The following LARP1B variants were observed in gnomAD, a reference collection of about 807,000 sequenced individuals.
LARP1B encodes the protein la-related protein 1B.
LARP1B carries 76 observed loss-of-function variants against 114.2 expected under a neutral mutation model. That is an observed-to-expected ratio of 0.67 (90% CI 0.55 to 0.81). The LOEUF is 0.81. LARP1B is among the 30% of genes least tolerant of loss of function. The probability of loss-of-function intolerance (pLI) is 0.00; values close to 1 mark genes in which losing one functional copy is unlikely to be tolerated. For synonymous variants in LARP1B, 345 were observed against 348.0 expected (o/e 0.99, Z 0.10); for missense variants, 1,014 against 1,075.8 (o/e 0.94, Z 0.80).
Position 128,176,835 on chromosome 4 carries a change from C to T in LARP1B, c.1649-37C>T, listed in dbSNP as rs754319414. ...AAACAATAAATGGATAAAATGCAGACACAGCACAAAAAGGGACTAATTAAC... is the reference window on the plus strand; with the variant it reads ...AAACAATAAATGGATAAAATGCAGATACAGCACAAAAAGGGACTAATTAAC... On this transcript the variant is annotated intron_variant, in intron 12 of 19. Coordinates refer to ENST00000326639, the MANE Select transcript of LARP1B (RefSeq NM_018078.4). 1.6e-5 allele frequency: 26 copies of T among 1,596,196 alleles called. 2 individuals are homozygous for T. The South Asian group carries it at 2.8e-4, about 17-fold the overall frequency.
chr4:128,219,090 A>G (rs966788647), intron 6 of LARP1B, among the ~76,000 whole-genome samples: 3 of 150,510 alleles, frequency 2.0e-5, no homozygotes, highest in Non-Finnish European at 3.0e-5. Flanking sequence ...CAAAACCACT[A>G]TGAGATATCA....
chr4:128,146,829 G>C (rs912407037), intron 11 of LARP1B, among the ~76,000 whole-genome samples: 3 of 152,144 alleles, frequency 2.0e-5, no homozygotes, highest in African/African-American at 7.2e-5. Flanking sequence ...GAGAGTTTTA[G>C]GTTGGCATAA....
chr4:128,128,431 A>G (rs1790359570), intron 11 of LARP1B, among the ~76,000 whole-genome samples: 1 of 152,216 alleles, frequency 6.6e-6, no homozygotes, highest in Non-Finnish European at 1.5e-5. Flanking sequence ...TAGTACACCC[A>G]ACCTACCACA....
At chr4:128,166,962 CTCTCTCTCTA>C (rs1296684894) in intron 12 of LARP1B, among the ~76,000 whole-genome samples, 1,393 of 101,840 alleles carry the variant, frequency 0.014, 4 homozygotes, top group East Asian at 0.043. Flanking sequence ...CTCTCTCTCT[CTCTCTCTCTA>C]TATATATATA....
chr4:128,112,664 G>A (rs1784521638), intron 9 of LARP1B, among the ~76,000 whole-genome samples: 1 of 151,160 alleles, frequency 6.6e-6, no homozygotes, highest in South Asian at 2.1e-4. Flanking sequence ...AGTAGGGATG[G>A]GGTTTTGCCA....
At chr4:128,151,447 G>A (rs1732739830) in intron 11 of LARP1B, among the ~76,000 whole-genome samples, 1 of 151,924 alleles carries the variant, frequency 6.6e-6, no homozygotes, top group Admixed American at 6.6e-5. Context: ...TGCCTTGAGA[G>A]TCATATAATT....
At chr4:128,096,434 A>G (rs1778036919) in intron 7 of LARP1B, among the ~76,000 whole-genome samples, 1 of 152,184 alleles carries the variant, frequency 6.6e-6, no homozygotes, top group Non-Finnish European at 1.5e-5. Context: ...TACTGATCAT[A>G]CTGACAGTTC....
At chr4:128,140,453 A>G (rs1727492107) in intron 11 of LARP1B, among the ~76,000 whole-genome samples, 2 of 152,230 alleles carry the variant, frequency 1.3e-5, no homozygotes, top group Non-Finnish European at 2.9e-5. Context: ...ACTCAAGAAC[A>G]GATCAAATGA....
At chr4:128,205,036 C>T (rs1273829571) in intron 17 of LARP1B, among the ~76,000 whole-genome samples, 1 of 152,122 alleles carries the variant, frequency 6.6e-6, no homozygotes, top group African/African-American at 2.4e-5. Context: ...AACTGTGGTT[C>T]CTTTAGTCTT....
chr4:128,204,455 G>A (rs184629728), intron 17 of LARP1B, among the ~76,000 whole-genome samples: 1 of 152,154 alleles, frequency 6.6e-6, no homozygotes, highest in East Asian at 1.9e-4. Flanking sequence ...AGGAGTTCAA[G>A]ACCAGCCTGG....
chr4:128,122,308 T>G, intron 11 of LARP1B, 120 bp downstream of exon 11: 1 of 1,503,394 alleles, frequency 6.7e-7, no homozygotes, highest in Non-Finnish European at 8.8e-7. Context: ...TACATTGTAT[T>G]TAACTTGAAA....
intron 1 of LARP1B, among the ~76,000 whole-genome samples, chr4:128,065,341 T>C (rs58643013): frequency 0.023 from 2,405 of 106,270 alleles, 91 homozygotes; most frequent in African/African-American, 0.074. Context: ...CTTTCCTTTC[T>C]TTTCTTTTCT....
intron 11 of LARP1B, chr4:128,155,983 G>A: frequency 6.5e-7 from 1 of 1,545,464 alleles, no homozygotes; most frequent in Non-Finnish European, 8.8e-7. Context: ...CTGCCGCCCT[G>A]TACCTTGTAT....
At chr4:128,196,248 CAAAA>C (rs35423896) in intron 15 of LARP1B, among the ~76,000 whole-genome samples, 8 of 88,604 alleles carry the variant, frequency 9.0e-5, no homozygotes, top group Non-Finnish European at 1.5e-4. Context: ...GAGAGTCTGT[CAAAA>C]AAAAAAAAAA....
intron 4 of LARP1B, among the ~76,000 whole-genome samples, chr4:128,081,788 G>A (rs532397490): frequency 6.6e-6 from 1 of 152,366 alleles, no homozygotes; most frequent in Non-Finnish European, 1.5e-5. Context: ...AGGCTGGAGT[G>A]CAATGGCACG....
intron 19 of LARP1B, among the ~76,000 whole-genome samples, chr4:128,208,002 T>C (rs1302155890): frequency 6.6e-6 from 1 of 152,000 alleles, no homozygotes; most frequent in Admixed American, 6.6e-5. Context: ...TGTAAGAAGA[T>C]AGAGGAAAAG....
chr4:128,116,758 C>CTT (rs1201818448), intron 10 of LARP1B, among the ~76,000 whole-genome samples: 5 of 151,994 alleles, frequency 3.3e-5, no homozygotes, highest in Non-Finnish European at 5.9e-5. Context: ...AAAAAGTGAT[C>CTT]TTTTAAAAAC....
chr4:128,168,865 T>C (rs6829891), intron 12 of LARP1B, among the ~76,000 whole-genome samples: 54,232 of 151,826 alleles, frequency 0.36, 10,033 homozygotes, highest in East Asian at 0.51. Flanking sequence ...CCTTCTTTTG[T>C]ATTTTGGAAG....
intron 6 of LARP1B, among the ~76,000 whole-genome samples, chr4:128,217,027 A>C (rs1049435490): frequency 2.0e-5 from 3 of 151,362 alleles, no homozygotes; most frequent in South Asian, 2.1e-4. Context: ...CTACGCAAAT[A>C]AACTAGAAAA....
Sources: allele counts gnomAD v4.1 joint callset (sites outside exome capture counted in the v4.1 genomes callset), GRCh38; gene constraint gnomAD v4.1.1; transcripts MANE v1.5; gene names NCBI Gene and HGNC (gene_info 2026-07-23, HGNC 2026-07-21).